The following NUTM2B variants were observed in gnomAD, a reference collection of about 807,000 sequenced individuals.
The protein encoded by NUTM2B is NUT family member 2B, also known as family with sequence similarity 22, member B.
A neutral mutation model predicts 42.4 loss-of-function variants in NUTM2B; 2 were observed. The ratio of observed to expected loss-of-function variants is 0.05; its 90% confidence interval spans 0.02 to 0.15. The LOEUF is 0.15. Ranked by LOEUF, NUTM2B falls within the 10% of genes least tolerant of loss-of-function variation. The pLI, the probability that NUTM2B is intolerant of heterozygous loss-of-function variation, is 1.00. For synonymous variants in NUTM2B, 18 were observed against 402.4 expected (o/e 0.04, Z 11.43); for missense variants, 58 against 952.6 (o/e 0.06, Z 12.36).
chr10:79,695,707 G>A, the NUTM2B span, among the ~76,000 whole-genome samples: 2 of 151,986 alleles, frequency 1.3e-5, no homozygotes, highest in Non-Finnish European at 2.9e-5. Context: ...TCAGGACTGA[G>A]AGAAGACATG....
intron 3 of NUTM2B, among the ~76,000 whole-genome samples, chr10:79,709,479 C>A (rs1354076190): frequency 7.7e-6 from 1 of 129,370 alleles, no homozygotes; most frequent in African/African-American, 3.0e-5. Flanking sequence ...GGCATCATCC[C>A]TGATGCCTTC....
intron 2 of NUTM2B, among the ~76,000 whole-genome samples, chr10:79,706,998 G>A (rs1268801568): frequency 2.6e-5 from 3 of 115,410 alleles, no homozygotes; most frequent in South Asian, 3.3e-4. Context: ...TCACAACAAT[G>A]TTTACAGAAG....
the NUTM2B span, among the ~76,000 whole-genome samples, chr10:79,694,397 C>CAAA: frequency 7.3e-4 from 92 of 126,428 alleles, 2 homozygotes; most frequent in East Asian, 2.7e-3. Context: ...GACTCTGTCT[C>CAAA]AAAAAAAAAA....
chr10:79,694,946 G>T, the NUTM2B span, among the ~76,000 whole-genome samples: 2 of 152,062 alleles, frequency 1.3e-5, no homozygotes, highest in Non-Finnish European at 2.9e-5. Context: ...TGCAGCTCAG[G>T]GGTGCCCCAG....
upstream of NUTM2B, among the ~76,000 whole-genome samples, chr10:79,701,474 G>A (rs1022849202): frequency 2.0e-5 from 3 of 151,882 alleles, no homozygotes; most frequent in African/African-American, 7.3e-5. Context: ...AACTTTAATC[G>A]TCACATCCTT....
chr10:79,699,079 G>A (rs1170507600), upstream of NUTM2B, among the ~76,000 whole-genome samples: 5 of 151,682 alleles, frequency 3.3e-5, no homozygotes, highest in African/African-American at 1.2e-4. Flanking sequence ...CATTGAAATA[G>A]CCATACACAC....
chr10:79,702,345 T>A (rs1228803815), upstream of NUTM2B, among the ~76,000 whole-genome samples: 1 of 151,238 alleles, frequency 6.6e-6, no homozygotes, highest in Non-Finnish European at 1.5e-5. Context: ...TTCACAGAAA[T>A]GCTTGCTGGA....
the NUTM2B span, chr10:79,692,205 G>A: frequency 5.9e-5 from 9 of 152,246 alleles, no homozygotes; most frequent in African/African-American, 2.2e-4. Context: ...CTATACTAGG[G>A]AAATGGGCAG....
chr10:79,709,847 A>G lies in NUTM2B; in HGVS notation c.1259A>G (p.Gln420Arg), dbSNP rs1278639012. Reference sequence around the variant, plus strand: ...GAGGAGATGCAGATTCAGAAATCGCAATGGATGAAGGGGCCCCAGTGCCTG... The same window carrying G: ...GAGGAGATGCAGATTCAGAAATCGCGATGGATGAAGGGGCCCCAGTGCCTG... The change falls in exon 4 of 7, where the codon CAA becomes CGA. Residue 420 changes from glutamine to arginine, a missense_variant. By Grantham distance (43) the Gln-to-Arg change is conservative. Coordinates refer to ENST00000429828, the Ensembl canonical transcript of NUTM2B. 5 of 991,990 alleles carry G rather than the reference A, an allele frequency of 5.0e-6. No homozygotes were observed. In the South Asian group the frequency reaches 1.1e-4, roughly 22 times the overall value. The allele number at this position is 991,990 out of a possible 1,614,324, so 61.4% of individuals were successfully genotyped here. A position where few individuals can be genotyped will look rare whatever the true frequency, so the allele number is the denominator to read the frequency against.
rs1237051799 is a variant in NUTM2B at position 79,709,785 on chromosome 10, C to T, written c.1212-15C>T. On this transcript the variant is annotated splice_polypyrimidine_tract_variant and intron_variant, in intron 3 of 6. Transcript: ENST00000429828. The stretch of plus-strand genomic sequence containing the variant: ...TGGACCCTCTCAGCACAGCCTGGGC[C>T]TCCTTCACCGCCAGGTTCCTGGAGT... 1.1e-6 allele frequency: 1 copy of T among 875,480 alleles called. No individual in the cohort carries two copies. The allele number at this position is 875,480 out of a possible 1,614,324, so 54.2% of individuals were successfully genotyped here.
At chr10:79,701,392 G>A (rs1261254878), upstream of NUTM2B, among the ~76,000 whole-genome samples, 1 of 151,964 alleles carries the variant, frequency 6.6e-6, no homozygotes, top group Non-Finnish European at 1.5e-5. Flanking sequence ...ACACAGTGCA[G>A]AATTCCAGTT....
chr10:79,698,348 A>G (rs1460329355), upstream of NUTM2B, among the ~76,000 whole-genome samples: 1 of 151,906 alleles, frequency 6.6e-6, no homozygotes, highest in Non-Finnish European at 1.5e-5. Context: ...TCATCCCCTA[A>G]ACATGCCCAA....
At chr10:79,698,252 C>T (rs1293424846), upstream of NUTM2B, among the ~76,000 whole-genome samples, 3 of 151,842 alleles carry the variant, frequency 2.0e-5, no homozygotes, top group East Asian at 3.9e-4. Context: ...CAAACTCACA[C>T]AAATATCCCC....
At chr10:79,699,752 C>T (rs868769237), upstream of NUTM2B, among the ~76,000 whole-genome samples, 17 of 152,164 alleles carry the variant, frequency 1.1e-4, no homozygotes, top group South Asian at 2.1e-4. Context: ...CCAGTTATGA[C>T]ATTCTTTAAT....
upstream of NUTM2B, among the ~76,000 whole-genome samples, chr10:79,699,536 G>A (rs1483085963): frequency 6.6e-6 from 1 of 152,234 alleles, no homozygotes; most frequent in Non-Finnish European, 1.5e-5. Flanking sequence ...TCCGCCTCTT[G>A]GGTTCAAGTG....
chr10:79,699,887 C>T (rs1234902825), upstream of NUTM2B, among the ~76,000 whole-genome samples: 4 of 152,230 alleles, frequency 2.6e-5, no homozygotes, highest in Non-Finnish European at 4.4e-5. Flanking sequence ...TACACAAAAC[C>T]ACCCGCACAA....
chr10:79,709,604 G>T (rs1418519663), intron 3 of NUTM2B, among the ~76,000 whole-genome samples, 196 bp from the exon 4 acceptor site: 2 of 132,450 alleles, frequency 1.5e-5, no homozygotes, highest in African/African-American at 5.8e-5. Context: ...CATGGGCTCT[G>T]CAGGGGCCGG....
upstream of NUTM2B, among the ~76,000 whole-genome samples, chr10:79,700,034 C>A (rs1283526222): frequency 5.3e-5 from 8 of 152,118 alleles, no homozygotes; most frequent in Admixed American, 5.2e-4. Context: ...AATAATATAC[C>A]ACTACTTTTT....
upstream of NUTM2B, among the ~76,000 whole-genome samples, chr10:79,699,613 T>C (rs1210959969): frequency 6.6e-6 from 1 of 152,238 alleles, no homozygotes; most frequent in Non-Finnish European, 1.5e-5. Context: ...CAGCTAATTT[T>C]TGTATTTTTA....
Sources: gnomAD v4.1 joint callset for allele counts (sites outside exome capture counted in the v4.1 genomes callset) on GRCh38, gnomAD v4.1.1 for gene constraint, MANE v1.5 for transcripts, NCBI Gene and HGNC (gene_info 2026-07-23, HGNC 2026-07-21) for gene names.